TPX2: variants seen among roughly 807,000 people sequenced by gnomAD.
TPX2 encodes targeting protein for Xklp2.
In TPX2, 21 loss-of-function variants were observed where a neutral mutation model predicts 93.6. That is an observed-to-expected ratio of 0.22 (90% CI 0.16 to 0.32). The LOEUF (loss-of-function observed/expected upper bound fraction) is 0.32, where lower values mean the gene tolerates loss of function less well. Ranked by LOEUF, TPX2 falls within the 10% of genes least tolerant of loss-of-function variation. The pLI is 1.00. For synonymous variants in TPX2, 281 were observed against 298.3 expected (o/e 0.94, Z 0.60); for missense variants, 776 against 871.1 (o/e 0.89, Z 1.37).
At chr20:31,753,428 C>T (rs901659941) in intron 2 of TPX2, among the ~76,000 whole-genome samples, 1 of 152,158 alleles carries the variant, frequency 6.6e-6, no homozygotes, top group African/African-American at 2.4e-5. Flanking sequence ...ATCATGGCAC[C>T]TGGCATGTAA....
intron 10 of TPX2, among the ~76,000 whole-genome samples, 193 bp from the exon 11 acceptor site, chr20:31,782,056 C>A (rs2062036801): frequency 6.6e-6 from 1 of 152,076 alleles, no homozygotes. Flanking sequence ...TTAGTCATAC[C>A]CCTCAATAAA....
intron 4 of TPX2, among the ~76,000 whole-genome samples, chr20:31,764,113 T>G (rs2061908943): frequency 8.7e-6 from 1 of 114,306 alleles, no homozygotes; most frequent in African/African-American, 6.1e-5. Flanking sequence ...CTAATATACA[T>G]GTATGTGTGT....
At chr20:31,762,789 C>G (rs767267939) in intron 4 of TPX2, among the ~76,000 whole-genome samples, 3 of 152,058 alleles carry the variant, frequency 2.0e-5, no homozygotes, top group Non-Finnish European at 4.4e-5. Flanking sequence ...TTGATCAGCA[C>G]CATTTTTTGA....
At chr20:31,761,469 G>C (rs960931707) in intron 4 of TPX2, among the ~76,000 whole-genome samples, 1 of 152,092 alleles carries the variant, frequency 6.6e-6, no homozygotes, top group African/African-American at 2.4e-5. Flanking sequence ...CAAAGTGCTG[G>C]GATTACAGGC....
Position 31,771,610 on chromosome 20 carries a change from C to G in TPX2, c.536C>G (p.Thr179Ser). ...GAAGAAGGCAGTGCTCATCAAGATACTGCTGAAAAGAATGCATCTTCCCCA... is the reference window on the plus strand; with the variant it reads ...GAAGAAGGCAGTGCTCATCAAGATAGTGCTGAAAAGAATGCATCTTCCCCA... ...PEEEGSAHQDTAEKNASSPEK... is the reference protein window; with the variant it reads ...PEEEGSAHQDSAEKNASSPEK... Residue 179 changes from threonine (T) to serine (S), a missense_variant, in exon 7 of 18, where the codon ACT (threonine) becomes AGT (serine). Coordinates refer to ENST00000300403, the MANE Select transcript of TPX2 (RefSeq NM_012112.5). The G allele has an allele frequency of 6.2e-7, 1 of 1,613,972 alleles. No homozygotes were observed. Among genetic ancestry groups the G allele is most frequent in the Non-Finnish European group, 8.5e-7 (1 of 1,179,954 alleles).
rs372048144 is a variant in TPX2, at chr20:31,773,259, C to T, written c.608+1577C>T. Reference sequence around the variant, plus strand: ...CTCTGCCTCCCACGTTCAAGCAATTCTTCTGCCTCAGTCTCCCATGTGGCT... The same window carrying T: ...CTCTGCCTCCCACGTTCAAGCAATTTTTCTGCCTCAGTCTCCCATGTGGCT... On this transcript the variant is annotated intron_variant, in intron 7 of 17. Transcript: ENST00000300403. 9.9e-4 allele frequency among the ~76,000 whole-genome samples: 148 copies of T among 149,214 alleles called. 3 individuals are homozygous for T. The highest frequency in any genetic ancestry group is 8.5e-3 in the East Asian group (43 of 5,030).
At chr20:31,755,442 T>C (rs1244257488) in intron 2 of TPX2, among the ~76,000 whole-genome samples, 1 of 152,050 alleles carries the variant, frequency 6.6e-6, no homozygotes, top group African/African-American at 2.4e-5. Context: ...CTACCTCCCT[T>C]CTAAGATACA....
At chr20:31,793,745 T>A (rs1389133707) in intron 13 of TPX2, 103 bp from the exon 14 acceptor site, 1 of 1,162,552 alleles carries the variant, frequency 8.6e-7, no homozygotes, top group African/African-American at 1.6e-5. Flanking sequence ...TTAATTTTGT[T>A]TTAATTAATG....
At chr20:31,769,693 G>A (rs532329599) in intron 5 of TPX2, among the ~76,000 whole-genome samples, 6 of 152,256 alleles carry the variant, frequency 3.9e-5, no homozygotes, top group South Asian at 2.1e-4. Context: ...CCTAGGTGGT[G>A]ATTTCATAAG....
chr20:31,771,178 ATACT>A (rs922206643), intron 6 of TPX2, among the ~76,000 whole-genome samples: 1 of 152,220 alleles, frequency 6.6e-6, no homozygotes, highest in Admixed American at 6.6e-5. Flanking sequence ...GGCAAGTACA[ATACT>A]TACTTGTAGC....
chr20:31,786,522 G>A (rs2062068178), intron 12 of TPX2, among the ~76,000 whole-genome samples: 1 of 151,690 alleles, frequency 6.6e-6, no homozygotes, highest in South Asian at 2.1e-4. Flanking sequence ...TCATGCCTCA[G>A]CCTCCTGAGT....
chr20:31,744,159 C>CTTTTTTTTTTTTT (rs11465034), intron 2 of TPX2, among the ~76,000 whole-genome samples: 1 of 112,270 alleles, frequency 8.9e-6, no homozygotes, highest in Non-Finnish European at 1.8e-5. Flanking sequence ...ATTTTTTTAA[C>CTTTTTTTTTTTTT]TTTTTTTTTT....
intron 2 of TPX2, among the ~76,000 whole-genome samples, chr20:31,748,865 G>A (rs139737644): frequency 3.2e-3 from 491 of 152,136 alleles, no homozygotes; most frequent in Middle Eastern, 0.024. Flanking sequence ...GTCTGGTAAG[G>A]TGCCTGGCCT....
chr20:31,756,222 CT>C (rs2061850747), intron 2 of TPX2, among the ~76,000 whole-genome samples: 1 of 152,064 alleles, frequency 6.6e-6, no homozygotes, highest in Admixed American at 6.6e-5. Flanking sequence ...TTTTTAGGAA[CT>C]TCGAGTCTAC....
intron 3 of TPX2, among the ~76,000 whole-genome samples, chr20:31,758,404 G>A (rs1456810921): frequency 6.6e-6 from 1 of 152,210 alleles, no homozygotes; most frequent in African/African-American, 2.4e-5. Flanking sequence ...ACAGGCGTGA[G>A]CCACTGCGCC....
chr20:31,770,959 T>G (rs1406095166), intron 6 of TPX2, among the ~76,000 whole-genome samples: 1 of 152,088 alleles, frequency 6.6e-6, no homozygotes, highest in African/African-American at 2.4e-5. Flanking sequence ...CTTAGATTTT[T>G]TCTTTTGCTT....
At chr20:31,775,838 C>CTCT in intron 7 of TPX2, 29 bp from the exon 8 acceptor site, 1 of 1,507,684 alleles carries the variant, frequency 6.6e-7, no homozygotes, top group Non-Finnish European at 8.9e-7. Flanking sequence ...CTCCTCTCCT[C>CTCT]TCTTCTCATT....
chr20:31,783,274 G>A (rs2062045412), intron 11 of TPX2, among the ~76,000 whole-genome samples: 1 of 151,466 alleles, frequency 6.6e-6, no homozygotes, highest in Non-Finnish European at 1.5e-5. Flanking sequence ...TTTTTGAGAT[G>A]GAGTTTCGCT....
At chr20:31,765,911 A>G (rs1030238376) in intron 4 of TPX2, among the ~76,000 whole-genome samples, 3 of 151,944 alleles carry the variant, frequency 2.0e-5, no homozygotes, top group African/African-American at 7.3e-5. Context: ...TTTTTGGGAG[A>G]GCATTATTAT....
Sources: allele counts gnomAD v4.1 joint callset (sites outside exome capture counted in the v4.1 genomes callset), GRCh38; gene constraint gnomAD v4.1.1; transcripts MANE v1.5; gene names NCBI Gene and HGNC (gene_info 2026-07-23, HGNC 2026-07-21).